The following COL9A1 variants were observed in gnomAD, a reference collection of about 807,000 sequenced individuals.
COL9A1 encodes the protein collagen type IX alpha 1 chain.
Under a neutral mutation model 142.6 loss-of-function variants are expected in COL9A1, and 104 were observed. The ratio of observed to expected loss-of-function variants is 0.73; its 90% confidence interval spans 0.62 to 0.86. The LOEUF (loss-of-function observed/expected upper bound fraction) is 0.86, where lower values mean the gene tolerates loss of function less well. Among genes scored for constraint, COL9A1 ranks in the 40% least tolerant of loss-of-function variants. The pLI is 0.00. For synonymous variants in COL9A1, 466 were observed against 396.0 expected, an observed-to-expected ratio of 1.18 and a Z score of -2.10; for missense variants, 1,210 against 1,176.6, an observed-to-expected ratio of 1.03 and a Z score of -0.42.
chr6:70,263,333 A>G (rs1015798906), intron 18 of COL9A1, 36 bp from the exon 19 acceptor site: 1 of 1,575,148 alleles, frequency 6.3e-7, no homozygotes, highest in Non-Finnish European at 8.7e-7. Flanking sequence ...AGCACACCAA[A>G]TGTTATTCTA....
Position 70,281,456 on chromosome 6 carries a change from G to T in COL9A1, c.810C>A (p.Pro270=). The T allele has an allele frequency of 1.9e-6, 3 of 1,612,350 alleles. No individual in the cohort carries two copies. The highest frequency in any genetic ancestry group is 2.5e-6 in the Non-Finnish European group (3 of 1,179,490). ...GCCCGGGAGGACCCTGCTCACCCGGGGGACCTCTCTGGCAAAAATAGCAGA... is the reference window on the plus strand; with the variant it reads ...GCCCGGGAGGACCCTGCTCACCCGGTGGACCTCTCTGGCAAAAATAGCAGA... ...TPSQTTDERG[P]PGEQGPPGPP... Residue 270 remains proline, a synonymous_variant, in exon 8 of 38, where the codon CCC becomes CCA. Transcript: ENST00000357250.
At chr6:70,295,165 T>C (rs1773803543) in intron 4 of COL9A1, among the ~76,000 whole-genome samples, 1 of 152,020 alleles carries the variant, frequency 6.6e-6, no homozygotes, top group Non-Finnish European at 1.5e-5. Context: ...ACTGAGGATG[T>C]TTGTCTTTTT....
At chr6:70,255,880 A>G (rs1273850530) in intron 21 of COL9A1, among the ~76,000 whole-genome samples, 5 of 152,244 alleles carry the variant, frequency 3.3e-5, no homozygotes, top group Non-Finnish European at 7.3e-5. Context: ...GTGTCTTCCT[A>G]AAATATAGCT....
chr6:70,252,028 C>T (rs1159776915), intron 28 of COL9A1, 92 bp downstream of exon 28: 29 of 1,294,832 alleles, frequency 2.2e-5, no homozygotes, highest in Non-Finnish European at 2.9e-5. Context: ...AAACATCAGA[C>T]AGCATTCATG....
chr6:70,283,566 A>C lies in COL9A1; in HGVS notation c.780+171T>G, dbSNP rs62420260. On this transcript the variant is annotated intron_variant, in intron 6 of 37. Transcript: ENST00000357250. ...GGTTTCTACCCGCCAGGTCGAAAGT[A>C]TGAAGTGTACTTCCCTAATATTTCT... Among the ~76,000 whole-genome samples, 8,419 of 152,276 alleles carry C rather than the reference A, an allele frequency of 0.055. 265 individuals carry two copies. Among genetic ancestry groups the C allele is most frequent in the Middle Eastern group, 0.092 (27 of 294 alleles).
intron 1 of COL9A1, among the ~76,000 whole-genome samples, chr6:70,302,291 C>A (rs1583359111): frequency 6.9e-6 from 1 of 145,924 alleles, no homozygotes; most frequent in Admixed American, 7.1e-5. Flanking sequence ...CTCTTTGCAA[C>A]CTCCACCTCC....
rs1768539877 is a variant in COL9A1, at chr6:70,216,908, G to C, written c.2755C>G (p.Pro919Ala). The C allele has an allele frequency of 6.2e-7, 1 of 1,613,936 alleles. No homozygotes were observed. Among genetic ancestry groups the C allele is most frequent in the South Asian group, 1.1e-5 (1 of 91,074 alleles). ...CAGCAGTAAGCCTTTCAAGGGTCAG[G>C]CCCTTTGTTAAATGCTCGCTGACCA... ...QAGQRAFNKG[P>A]DP The change falls in exon 38 of 38, where the codon CCT (proline) becomes GCT (alanine). Residue 919 changes from proline (P) to alanine (A), a missense_variant. Physicochemically the swap from Pro to Ala is conservative, Grantham distance 27. Coordinates refer to ENST00000357250, the MANE Select transcript of COL9A1 (RefSeq NM_001851.6).
intron 10 of COL9A1, chr6:70,280,254 T>C (rs754403501): frequency 8.1e-7 from 1 of 1,231,276 alleles, no homozygotes; most frequent in Non-Finnish European, 1.0e-6. Flanking sequence ...GACGAAAATC[T>C]AGTTTTGAAT....
intron 37 of COL9A1, among the ~76,000 whole-genome samples, chr6:70,223,288 C>T (rs139912515): frequency 5.3e-5 from 8 of 152,260 alleles, no homozygotes; most frequent in East Asian, 1.9e-4. Flanking sequence ...ATTTCTTGAG[C>T]GCCTACTATA....
At chr6:70,235,312 G>A (rs1398793391) in intron 33 of COL9A1, among the ~76,000 whole-genome samples, 1 of 152,026 alleles carries the variant, frequency 6.6e-6, no homozygotes, top group Non-Finnish European at 1.5e-5. Context: ...AATTAGCCAG[G>A]CATGGTGGTG....
At chr6:70,288,240 A>G (rs1021633926) in intron 5 of COL9A1, among the ~76,000 whole-genome samples, 1 of 152,006 alleles carries the variant, frequency 6.6e-6, no homozygotes, top group African/African-American at 2.4e-5. Context: ...GTCATCTTTG[A>G]TTCCTCTTTT....
chr6:70,218,436 T>C (rs1279910483), intron 37 of COL9A1, among the ~76,000 whole-genome samples: 1 of 152,184 alleles, frequency 6.6e-6, no homozygotes, highest in African/African-American at 2.4e-5. Context: ...GAATTTCTGC[T>C]GAATGTTTAC....
At chr6:70,248,788 G>T (rs973343080) in intron 28 of COL9A1, among the ~76,000 whole-genome samples, 1 of 152,164 alleles carries the variant, frequency 6.6e-6, no homozygotes, top group Admixed American at 6.5e-5. Context: ...GGAAAGCGAG[G>T]TGGGAAACAC....
At position 70,239,245 on chromosome 6, in the gene COL9A1, C is replaced by T; in HGVS notation, c.2112+9G>A. ...ATTTTTTTATACCATTACTATTCAC[C>T]ATACTTACAGATCCCTTTGGGCCAG... On this transcript the variant is annotated intron_variant, in intron 33 of 37. Coordinates refer to ENST00000357250, the MANE Select transcript of COL9A1 (RefSeq NM_001851.6). The T allele has an allele frequency of 1.3e-6, 2 of 1,532,716 alleles. No homozygotes were observed. The highest frequency in any genetic ancestry group is 1.8e-6 in the Non-Finnish European group (2 of 1,106,634). The allele number at this position is 1,532,716 out of a possible 1,614,324, so 94.9% of individuals were successfully genotyped here.
At chr6:70,271,824 A>T (rs962075675) in intron 13 of COL9A1, 116 bp from the exon 14 acceptor site, 1 of 1,112,494 alleles carries the variant, frequency 9.0e-7, no homozygotes, top group African/African-American at 1.6e-5. Flanking sequence ...TTTGGTTTCC[A>T]ATGACACAAT....
At chr6:70,284,248 CT>C (rs1477886478) in intron 5 of COL9A1, among the ~76,000 whole-genome samples, 7 of 151,746 alleles carry the variant, frequency 4.6e-5, no homozygotes, top group Non-Finnish European at 8.8e-5. Flanking sequence ...GGAATATATG[CT>C]GTAAGATTTT....
At chr6:70,250,128 G>GCA (rs71989954) in intron 28 of COL9A1, among the ~76,000 whole-genome samples, 23,438 of 151,978 alleles carry the variant, frequency 0.15, 2,054 homozygotes, top group Non-Finnish European at 0.21. Context: ...GGGCATGGTG[G>GCA]TGTGCACCTG....
intron 5 of COL9A1, among the ~76,000 whole-genome samples, chr6:70,286,692 G>T (rs1476042543): frequency 6.6e-6 from 1 of 152,182 alleles, no homozygotes; most frequent in Non-Finnish European, 1.5e-5. Flanking sequence ...TCCAAGTGAA[G>T]CTTCCTGATT....
intron 19 of COL9A1, chr6:70,260,981 A>G (rs1178371215): frequency 2.7e-6 from 1 of 371,436 alleles, no homozygotes; most frequent in African/African-American, 2.1e-5. Context: ...TACCAGCATA[A>G]GAGAAATTGT....
Sources: allele counts gnomAD v4.1 joint callset (sites outside exome capture counted in the v4.1 genomes callset), GRCh38; gene constraint gnomAD v4.1.1; transcripts MANE v1.5; gene names NCBI Gene and HGNC (gene_info 2026-07-23, HGNC 2026-07-21).